Variants in ATG10 observed in about 807,000 individuals in gnomAD.
ATG10 encodes the protein autophagy related 10.
A neutral mutation model predicts 32.1 loss-of-function variants in ATG10; 30 were observed. The observed-to-expected ratio is 0.94, with a 90% CI of 0.70 to 1.27. The LOEUF (loss-of-function observed/expected upper bound fraction) is 1.27. ATG10 is among the 50% of genes most tolerant of loss of function. The pLI is 0.00. For missense variants in ATG10, 233 were observed against 262.3 expected, an observed-to-expected ratio of 0.89 and a Z score of 0.77; for synonymous variants, 87 against 91.5, an observed-to-expected ratio of 0.95 and a Z score of 0.28.
In ATG10 at chr5:82,142,003, A is replaced by G. The variant is rs377220690; in HGVS notation, c.217-22396A>G. Among the ~76,000 whole-genome samples the G allele has an allele frequency of 3.5e-4, 54 of 152,346 alleles. No homozygotes were observed. The East Asian group carries it at 9.1e-3, about 26-fold the overall frequency. Reference sequence around the variant, plus strand: ...AAAATGCAAAGTTATTTTCATTTTAATGCCTTGACTTACAAAATAATTCTC... The same window carrying G: ...AAAATGCAAAGTTATTTTCATTTTAGTGCCTTGACTTACAAAATAATTCTC... On this transcript the variant is annotated intron_variant, in intron 3 of 7. Transcript: ENST00000282185.
intron 5 of ATG10, among the ~76,000 whole-genome samples, chr5:82,182,216 C>T (rs1744264043): frequency 6.6e-6 from 1 of 151,982 alleles, no homozygotes; most frequent in Non-Finnish European, 1.5e-5. Flanking sequence ...TTAGTGGATT[C>T]TTTTTTTGAA....
Position 82,091,045 on chromosome 5 carries a change from A to G in ATG10, c.216+32443A>G, listed in dbSNP as rs940912349. Among the ~76,000 whole-genome samples the G allele has an allele frequency of 2.6e-5, 4 of 152,184 alleles. No homozygotes were observed. In the South Asian group the frequency reaches 6.2e-4, roughly 24 times the overall value. On this transcript the variant is annotated intron_variant, in intron 3 of 7. Coordinates refer to ENST00000282185, the MANE Select transcript of ATG10 (RefSeq NM_031482.5). ...TGATAAGCTTCTACACATCTTAAAG[A>G]TATTTGTAATTTTACAGAGAGCTTA...
At chr5:82,077,833 ATATT>A (rs1764329340) in intron 3 of ATG10, among the ~76,000 whole-genome samples, 1 of 152,150 alleles carries the variant, frequency 6.6e-6, no homozygotes, top group Non-Finnish European at 1.5e-5. Flanking sequence ...TGTGGGGTAT[ATATT>A]CTTTATACTT....
intron 3 of ATG10, among the ~76,000 whole-genome samples, chr5:82,153,416 T>A (rs895666722): frequency 1.3e-5 from 2 of 152,100 alleles, no homozygotes; most frequent in Non-Finnish European, 2.9e-5. Context: ...CAACAGAAAG[T>A]GTAGGCAGAC....
chr5:82,002,735 C>T (rs73134715), intron 2 of ATG10, among the ~76,000 whole-genome samples: 8,226 of 152,182 alleles, frequency 0.054, 233 homozygotes, highest in Middle Eastern at 0.099. Flanking sequence ...GTGTACCAAA[C>T]CCCTGTGACA....
At chr5:82,197,851 C>A (rs897974023) in intron 5 of ATG10, among the ~76,000 whole-genome samples, 2 of 151,958 alleles carry the variant, frequency 1.3e-5, no homozygotes, top group African/African-American at 4.8e-5. Flanking sequence ...GGTGACTTAC[C>A]TCAGCTGAGT....
rs958358173 is a variant in ATG10 at position 82,142,303 on chromosome 5, G to A, written c.217-22096G>A. Reference sequence around the variant, plus strand: ...AGATATGTACTAGTACGATGTTTGTGTGGGAGAAGCAGTGTCCAAGTTTCC... The same window carrying A: ...AGATATGTACTAGTACGATGTTTGTATGGGAGAAGCAGTGTCCAAGTTTCC... On this transcript the variant is annotated intron_variant, in intron 3 of 7. Transcript: ENST00000282185. 2.4e-4 allele frequency among the ~76,000 whole-genome samples: 37 copies of A among 152,336 alleles called. 1 individual carries two copies. The highest frequency in any genetic ancestry group is 8.9e-4 in the African/African-American group (37 of 41,580).
intron 3 of ATG10, among the ~76,000 whole-genome samples, chr5:82,117,494 G>T (rs1475253906): frequency 6.6e-6 from 1 of 151,990 alleles, no homozygotes; most frequent in Admixed American, 6.6e-5. Flanking sequence ...TCTTTGTCTT[G>T]TCTGGTTTTG....
At chr5:82,035,606 C>T (rs1762894986) in intron 2 of ATG10, among the ~76,000 whole-genome samples, 1 of 151,632 alleles carries the variant, frequency 6.6e-6, no homozygotes, top group African/African-American at 2.4e-5. Flanking sequence ...TTGCATTTTC[C>T]TTATTAATAC....
chr5:82,007,626 A>G (rs961523201), intron 2 of ATG10, among the ~76,000 whole-genome samples: 13 of 152,006 alleles, frequency 8.6e-5, no homozygotes, highest in African/African-American at 3.1e-4. Context: ...CTAATTTTGT[A>G]ATTTTTTTGT....
intron 2 of ATG10, among the ~76,000 whole-genome samples, chr5:82,011,971 G>T (rs1282110373): frequency 6.6e-6 from 1 of 152,144 alleles, no homozygotes; most frequent in Non-Finnish European, 1.5e-5. Flanking sequence ...GTGCCAACTG[G>T]GATGACTACT....
intron 5 of ATG10, among the ~76,000 whole-genome samples, chr5:82,245,237 T>C (rs866796617): frequency 6.6e-6 from 1 of 152,234 alleles, no homozygotes; most frequent in African/African-American, 2.4e-5. Context: ...AATGACTGCT[T>C]TCATCTTTGA....
chr5:82,027,928 A>G (rs1762640352), intron 2 of ATG10, among the ~76,000 whole-genome samples: 2 of 152,240 alleles, frequency 1.3e-5, no homozygotes, highest in Admixed American at 1.3e-4. Flanking sequence ...CTCAGCAGGA[A>G]AAGATTTGAA....
chr5:81,981,260 T>C (rs1761041266), intron 1 of ATG10, among the ~76,000 whole-genome samples: 1 of 152,204 alleles, frequency 6.6e-6, no homozygotes, highest in African/African-American at 2.4e-5. Context: ...ATGATTCCCT[T>C]TGAAAGTATC....
At position 82,039,133 on chromosome 5, in the gene ATG10, A is replaced by C. The variant is rs540422757; in HGVS notation, c.109-19362A>C. Among the ~76,000 whole-genome samples the C allele has an allele frequency of 1.4e-4, 22 of 152,354 alleles. No homozygotes were observed. The South Asian group carries it at 4.4e-3, about 30-fold the overall frequency. ...AGTGCTAGGATTACAGGCATGAGCC[A>C]CCGTGCCTGGCCCCCTTTTAGTTCC... On this transcript the variant is annotated intron_variant, in intron 2 of 7. Transcript: ENST00000282185.
At chr5:82,251,114 A>G (rs1457792939) in intron 5 of ATG10, among the ~76,000 whole-genome samples, 3 of 152,212 alleles carry the variant, frequency 2.0e-5, no homozygotes, top group African/African-American at 7.2e-5. Flanking sequence ...ACCTATCACT[A>G]GTGGATAACT....
intron 1 of ATG10, among the ~76,000 whole-genome samples, chr5:81,982,443 G>A (rs777206518): frequency 2.0e-5 from 3 of 152,064 alleles, no homozygotes; most frequent in Admixed American, 6.5e-5. Flanking sequence ...GGGCGATTCC[G>A]TCTCCAAAAA....
At chr5:82,060,085 A>G (rs975762352) in intron 3 of ATG10, among the ~76,000 whole-genome samples, 2 of 152,244 alleles carry the variant, frequency 1.3e-5, no homozygotes, top group African/African-American at 2.4e-5. Flanking sequence ...TTTCTGGTTG[A>G]TGTTTTAACT....
intron 2 of ATG10, among the ~76,000 whole-genome samples, chr5:82,011,276 A>G (rs553570458): frequency 1.2e-4 from 18 of 152,266 alleles, no homozygotes; most frequent in African/African-American, 3.9e-4. Flanking sequence ...CTCTGCCTCA[A>G]TACATATACT....
Sources: allele counts gnomAD v4.1 joint callset (sites outside exome capture counted in the v4.1 genomes callset), GRCh38; gene constraint gnomAD v4.1.1; transcripts MANE v1.5; gene names NCBI Gene and HGNC (gene_info 2026-07-23, HGNC 2026-07-21).